Variants in DGKD observed in about 807,000 individuals in gnomAD.
DGKD encodes DAG kinase delta.
DGKD carries 68 observed loss-of-function variants against 154.4 expected under a neutral mutation model. The ratio of observed to expected loss-of-function variants is 0.44; its 90% CI spans 0.36 to 0.54. DGKD has a LOEUF of 0.54. DGKD is among the 20% of genes least tolerant of loss of function. DGKD has a pLI of 0.00. For synonymous variants in DGKD, 693 were observed against 638.0 expected, an observed-to-expected ratio of 1.09 and a Z score of -1.30; for missense variants, 1,343 against 1,593.6, an observed-to-expected ratio of 0.84 and a Z score of 2.68.
intron 5 of DGKD, 95 bp downstream of exon 5, chr2:233,434,996 C>T: frequency 6.6e-7 from 1 of 1,513,852 alleles, no homozygotes; most frequent in South Asian, 1.3e-5. Context: ...CATAAATAAG[C>T]CGTTGTCACC....
At chr2:233,466,608 C>G (rs1270914912) in intron 27 of DGKD, among the ~76,000 whole-genome samples, 1 of 152,044 alleles carries the variant, frequency 6.6e-6, no homozygotes, top group Non-Finnish European at 1.5e-5. Context: ...CTGTGTGGCT[C>G]CGCTCTTCAC....
chr2:233,409,112 G>A (rs1437522461), intron 3 of DGKD: 2 of 152,224 alleles, frequency 1.3e-5, no homozygotes, highest in Non-Finnish European at 2.9e-5. Flanking sequence ...AGAAGACGCA[G>A]TTACTCGTCT....
intron 3 of DGKD, among the ~76,000 whole-genome samples, chr2:233,421,451 C>A (rs1479937803): frequency 1.1e-4 from 17 of 152,316 alleles, no homozygotes; most frequent in Middle Eastern, 3.4e-3. Context: ...AATAAAGCAA[C>A]CAGAATGATG....
At chr2:233,454,362 G>T in intron 18 of DGKD, 1 of 471,218 alleles carries the variant, frequency 2.1e-6, no homozygotes, top group Non-Finnish European at 4.4e-6. Flanking sequence ...GGAAGAGAAA[G>T]GAGCCAGACA....
rs768536254 is a variant in DGKD, at chr2:233,369,647, G to A, written c.156+14973G>A. ...CCTTGAATGGCGTTTGCCAGGCTGC[G>A]GGTTTGAATTGCTGTTTCCTGGGGA... is the stretch of plus-strand genomic sequence containing the variant. On this transcript the variant is annotated intron_variant, in intron 1 of 29. Transcript: ENST00000264057. Among the ~76,000 whole-genome samples the A allele has an allele frequency of 6.6e-5, 10 of 152,268 alleles. No individual in the cohort carries two copies. The South Asian group carries it at 8.3e-4, about 13-fold the overall frequency.
At position 233,363,810 on chromosome 2, in the gene DGKD, G is replaced by T. The variant is rs185196969; in HGVS notation, c.156+9136G>T. Among the ~76,000 whole-genome samples the T allele has an allele frequency of 1.2e-4, 19 of 152,370 alleles. No homozygotes were observed. The East Asian group carries it at 3.7e-3, about 29-fold the overall frequency. ...TATAGTTGCCTACAGTGTCAGCACAGTGATGTGCTCTATGGGTTTGTAGTC... is the reference window on the plus strand; with the variant it reads ...TATAGTTGCCTACAGTGTCAGCACATTGATGTGCTCTATGGGTTTGTAGTC... On this transcript the variant is annotated intron_variant, in intron 1 of 29. Coordinates refer to ENST00000264057, the MANE Select transcript of DGKD (RefSeq NM_152879.3).
chr2:233,436,997 T>G (rs1482350523), intron 7 of DGKD, among the ~76,000 whole-genome samples: 1 of 152,192 alleles, frequency 6.6e-6, no homozygotes, highest in East Asian at 1.9e-4. Context: ...GCCTAGCACA[T>G]CTGGCTGCCA....
At chr2:233,429,958 CT>C (rs2062454990) in intron 3 of DGKD, among the ~76,000 whole-genome samples, 1 of 152,244 alleles carries the variant, frequency 6.6e-6, no homozygotes, top group Non-Finnish European at 1.5e-5. Context: ...AAAGCACTTT[CT>C]ATGGTTTCTG....
chr2:233,452,288 G>A lies in DGKD; in HGVS notation c.2264+228G>A, dbSNP rs1208030793. Among the ~76,000 whole-genome samples, 1 of 152,164 alleles carries A rather than the reference G, an allele frequency of 6.6e-6. No individual in the cohort carries two copies. Among genetic ancestry groups the A allele is most frequent in the East Asian group, 1.9e-4 (1 of 5,192 alleles). Reference sequence around the variant, plus strand: ...GCACGCCTCCCATCTCCTTCCCAAGGTCCCACGGTGCTTGCTTGACGTCCC... The same window carrying A: ...GCACGCCTCCCATCTCCTTCCCAAGATCCCACGGTGCTTGCTTGACGTCCC... On this transcript the variant is annotated intron_variant, in intron 18 of 29. Transcript: ENST00000264057. The surrounding 1 kb of genome is among the most constrained non-coding windows in gnomAD (Gnocchi z 4.0).
intron 1 of DGKD, among the ~76,000 whole-genome samples, chr2:233,386,373 G>T (rs1395931273): frequency 2.0e-5 from 3 of 152,202 alleles, no homozygotes; most frequent in African/African-American, 7.2e-5. Flanking sequence ...GTACTTGGAT[G>T]TGAAAAGGAT....
At chr2:233,454,412 C>G in intron 18 of DGKD, 2 of 475,610 alleles carry the variant, frequency 4.2e-6, no homozygotes, top group Admixed American at 2.3e-5. Context: ...TGTGAACTGC[C>G]TAGAAGAGGC....
At chr2:233,413,106 T>C (rs838732) in intron 3 of DGKD, among the ~76,000 whole-genome samples, 47,941 of 151,956 alleles carry the variant, frequency 0.32, 8,525 homozygotes, top group Middle Eastern at 0.45. Context: ...CTTTAAAAAA[T>C]AGAGAGTCAG....
chr2:233,469,674 C>G lies in DGKD; in HGVS notation c.*214C>G, dbSNP rs1189090705. ...TGGGGTCTCGAACATAACAACACAG[C>G]TACCTTTGAAACAACACTTTCTCCA... On this transcript the variant is annotated 3_prime_UTR_variant, in exon 30 of 30. Transcript: ENST00000264057. The G allele has an allele frequency of 1.8e-6, 1 of 565,572 alleles. No individual in the cohort carries two copies. Among genetic ancestry groups the G allele is most frequent in the African/African-American group, 1.9e-5 (1 of 53,116 alleles). The allele number at this position is 565,572 out of a possible 1,614,324, so 35.0% of individuals were successfully genotyped here.
chr2:233,446,892 C>A, intron 12 of DGKD, 96 bp downstream of exon 12: 1 of 1,411,044 alleles, frequency 7.1e-7, no homozygotes. Flanking sequence ...AGAGACGCCT[C>A]CCCTTTGGTG....
intron 1 of DGKD, among the ~76,000 whole-genome samples, chr2:233,378,847 G>A (rs996740339): frequency 2.6e-5 from 4 of 152,186 alleles, no homozygotes; most frequent in Non-Finnish European, 5.9e-5. Context: ...GATTGCCTGA[G>A]CAACATAGTG....
At chr2:233,375,504 G>T (rs1702528105) in intron 1 of DGKD, among the ~76,000 whole-genome samples, 1 of 152,114 alleles carries the variant, frequency 6.6e-6, no homozygotes, top group Non-Finnish European at 1.5e-5. Flanking sequence ...AGCTGGTTGA[G>T]CACATGCCAG....
chr2:233,433,746 T>A (rs1374210196), intron 3 of DGKD, among the ~76,000 whole-genome samples: 2 of 152,228 alleles, frequency 1.3e-5, no homozygotes. Context: ...GTTGATGTAT[T>A]TCTTTTGTGA....
rs535467318 is a variant in DGKD at position 233,449,909 on chromosome 2, G to A, written c.1889-73G>A. On this transcript the variant is annotated intron_variant, in intron 15 of 29. Transcript: ENST00000264057. This position sits in a 1 kb window ranked among gnomAD's most constrained non-coding sequence, Gnocchi z 5.3. Reference sequence around the variant, plus strand: ...TCAGGCCGTGGGGTGAGGATGAGGGGCCCTCCACCCAGCCTGACAGCGCCC... The same window carrying A: ...TCAGGCCGTGGGGTGAGGATGAGGGACCCTCCACCCAGCCTGACAGCGCCC... The A allele has an allele frequency of 2.0e-6, 3 of 1,491,474 alleles. No individual in the cohort carries two copies. In the South Asian group the frequency reaches 4.1e-5, roughly 20 times the overall value. The allele number at this position is 1,491,474 out of a possible 1,614,324, so 92.4% of individuals were successfully genotyped here.
chr2:233,462,502 C>T (rs919697829), intron 25 of DGKD, 43 bp downstream of exon 25: 1 of 1,566,334 alleles, frequency 6.4e-7, no homozygotes, highest in Non-Finnish European at 8.7e-7. Flanking sequence ...TTCTCAGTGT[C>T]TGCCGCCCTC....
Sources: allele counts gnomAD v4.1 joint callset (sites outside exome capture counted in the v4.1 genomes callset), GRCh38; gene constraint gnomAD v4.1.1; non-coding constraint Gnocchi (gnomAD v3.1); transcripts MANE v1.5; gene names NCBI Gene and HGNC (gene_info 2026-07-23, HGNC 2026-07-21).